Variants in UTP20 observed in about 807,000 individuals in gnomAD.
The protein encoded by UTP20 is small subunit processome component 20 homolog.
A neutral mutation model predicts 329.5 loss-of-function variants in UTP20; 164 were observed. The ratio of observed to expected loss-of-function variants is 0.50; its 90% CI spans 0.44 to 0.57. UTP20 has a LOEUF of 0.57. UTP20 is among the 20% of genes least tolerant of loss of function. The probability of loss-of-function intolerance (pLI) is 0.00; values close to 1 mark genes in which losing one functional copy is unlikely to be tolerated. For synonymous variants in UTP20, 1,151 were observed against 1,159.3 expected (o/e 0.99, Z 0.14); for missense variants, 3,055 against 3,284.2 (o/e 0.93, Z 1.71).
In UTP20 at chr12:101,379,510, C is replaced by T. The variant is rs751418364; in HGVS notation, c.7536C>T (p.Leu2512=). 1 of 1,613,954 alleles carries T rather than the reference C, an allele frequency of 6.2e-7. No individual in the cohort carries two copies. Among genetic ancestry groups the T allele is most frequent in the South Asian group, 1.1e-5 (1 of 91,062 alleles). Residue 2512 remains leucine, a synonymous_variant, in exon 57 of 62, where the codon CTC becomes CTT. Transcript: ENST00000261637. ...KWNTKKTKKH[L]PEPVAIKFLA... ...ATACCAAAAAGACCAAAAAACACCTCCCAGAACCTGTAGCAATCAAGTTCC... is the reference window on the plus strand; with the variant it reads ...ATACCAAAAAGACCAAAAAACACCTTCCAGAACCTGTAGCAATCAAGTTCC...
chr12:101,369,991 A>G, intron 49 of UTP20, 100 bp downstream of exon 49: 1 of 1,205,684 alleles, frequency 8.3e-7, no homozygotes, highest in Non-Finnish European at 1.2e-6. Flanking sequence ...AGGTGGGAGG[A>G]TTACTTGAGC....
intron 24 of UTP20, 80 bp downstream of exon 24, chr12:101,321,017 A>T (rs1593431937): frequency 3.8e-6 from 5 of 1,304,320 alleles, no homozygotes; most frequent in Middle Eastern, 1.9e-4. Flanking sequence ...TTCTAGAATA[A>T]TTTATTAAAG....
chr12:101,333,495 T>C, intron 28 of UTP20, 51 bp downstream of exon 28: 1 of 1,591,896 alleles, frequency 6.3e-7, no homozygotes, highest in Non-Finnish European at 8.5e-7. Flanking sequence ...TTTTCCTTTA[T>C]TACTAACTCA....
At chr12:101,333,543 G>T in intron 28 of UTP20, 99 bp downstream of exon 28, 1 of 1,436,928 alleles carries the variant, frequency 7.0e-7, no homozygotes. Flanking sequence ...TGCTTACCTG[G>T]GTCTTTCCTT....
At chr12:101,303,233 A>G (rs553437654) in intron 15 of UTP20, among the ~76,000 whole-genome samples, 4 of 152,338 alleles carry the variant, frequency 2.6e-5, no homozygotes, top group South Asian at 4.1e-4. Context: ...ACTGTGAAAC[A>G]TAGTGAATAA....
At chr12:101,340,652 A>C in intron 32 of UTP20, 42 bp downstream of exon 32, 1 of 1,280,064 alleles carries the variant, frequency 7.8e-7, no homozygotes, top group Non-Finnish European at 1.1e-6. Flanking sequence ...CTAGAGTGGC[A>C]CTTTATCACT....
chr12:101,352,119 C>G lies in UTP20; in HGVS notation c.4949C>G (p.Ser1650Ter). 1 of 1,613,984 alleles carries G rather than the reference C, an allele frequency of 6.2e-7. No homozygotes were observed. Among genetic ancestry groups the G allele is most frequent in the Non-Finnish European group, 8.5e-7 (1 of 1,179,970 alleles). Residue 1650 changes from serine to a stop codon, truncating the protein, a stop_gained, in exon 39 of 62, where the codon TCA becomes TGA. Transcript: ENST00000261637. LOFTEE classifies it high-confidence loss of function. ...IGAICKHLSW[S>*]AYMYYLKHFI... Reference sequence around the variant, plus strand: ...GCCATTTGCAAACATCTCTCTTGGTCAGCGTATATGTATTACTTGAAACAT... The same window carrying G: ...GCCATTTGCAAACATCTCTCTTGGTGAGCGTATATGTATTACTTGAAACAT...
In UTP20 at chr12:101,383,557, T is replaced by G. The variant is rs765683951; in HGVS notation, c.7944T>G (p.Phe2648Leu). Residue 2648 changes from phenylalanine to leucine, a missense_variant, in exon 60 of 62, where the codon TTT becomes TTG. This residue lies in a region of UTP20 where 337 missense variants were observed against 345.5 expected (regional missense o/e 0.98). Coordinates refer to ENST00000261637, the MANE Select transcript of UTP20 (RefSeq NM_014503.3). The stretch of plus-strand genomic sequence containing the variant: ...TGTACTTTCAGAGAACATGCATCTT[T>G]AAGTTCCTCGGCGCCGTAGCAATGG... Reference protein sequence around the residue: ...PRNPLKRTCIFKFLGAVAMDL... With the variant: ...PRNPLKRTCILKFLGAVAMDL... 5 of 1,613,234 alleles carry G rather than the reference T, an allele frequency of 3.1e-6. No individual in the cohort carries two copies. The Admixed American group carries it at 8.4e-5, about 27-fold the overall frequency.
chr12:101,352,195 G>T lies in UTP20; in HGVS notation c.5024+1G>T. 10 of 1,604,366 alleles carry T rather than the reference G, an allele frequency of 6.2e-6. No individual in the cohort carries two copies. The highest frequency in any genetic ancestry group is 2.2e-5 in the East Asian group (1 of 44,790). ...AGATCAATCAAAAACTGGGTGTCAGGTGTGGTCAAACTTCTTATTTTTGTT... is the reference window on the plus strand; with the variant it reads ...AGATCAATCAAAAACTGGGTGTCAGTTGTGGTCAAACTTCTTATTTTTGTT... On this transcript the variant is annotated splice_donor_variant, in intron 39 of 61. Transcript: ENST00000261637. LOFTEE classifies it high-confidence loss of function.
At chr12:101,287,490 G>A (rs927684130) in intron 5 of UTP20, among the ~76,000 whole-genome samples, 3 of 152,222 alleles carry the variant, frequency 2.0e-5, no homozygotes, top group East Asian at 1.9e-4. Context: ...GACAACTTCA[G>A]TAGCCTGGCT....
intron 8 of UTP20, 32 bp downstream of exon 8, chr12:101,290,920 ATAAGGAGTCTAAGAATT>A (rs1565785192): frequency 6.3e-7 from 1 of 1,593,956 alleles, no homozygotes; most frequent in South Asian, 1.2e-5. Context: ...TGGGTTTTTG[ATAAGGAGTCTAAGAATT>A]TACTGTTTCT....
chr12:101,296,651 G>A (rs192690538), intron 12 of UTP20, among the ~76,000 whole-genome samples: 1 of 152,092 alleles, frequency 6.6e-6, no homozygotes, highest in Admixed American at 6.5e-5. Context: ...AGGAGGCTGA[G>A]GCAGGAGAAT....
intron 38 of UTP20, among the ~76,000 whole-genome samples, chr12:101,347,880 G>A (rs1013857987): frequency 6.6e-6 from 1 of 152,178 alleles, no homozygotes; most frequent in Non-Finnish European, 1.5e-5. Flanking sequence ...CTAGGCTGGA[G>A]TGCAGTAGCG....
At chr12:101,302,960 A>G (rs1246771953) in intron 15 of UTP20, among the ~76,000 whole-genome samples, 5 of 152,166 alleles carry the variant, frequency 3.3e-5, no homozygotes, top group African/African-American at 1.2e-4. Flanking sequence ...TTTACTACAC[A>G]CTGAAACAAT....
intron 25 of UTP20, among the ~76,000 whole-genome samples, chr12:101,323,064 A>G (rs1301550768): frequency 6.6e-6 from 1 of 152,134 alleles, no homozygotes; most frequent in African/African-American, 2.4e-5. Context: ...TAAATAATAC[A>G]CCCATACAAG....
At chr12:101,384,877 T>C (rs906495810) in intron 60 of UTP20, among the ~76,000 whole-genome samples, 18 of 152,134 alleles carry the variant, frequency 1.2e-4, no homozygotes, top group African/African-American at 4.3e-4. Flanking sequence ...TGTGCTTTGG[T>C]TCAACCCAGT....
intron 48 of UTP20, 45 bp from the exon 49 acceptor site, chr12:101,369,676 T>C (rs1870216079): frequency 2.1e-6 from 2 of 965,538 alleles, no homozygotes. Flanking sequence ...ATAGTTGGAT[T>C]CGGTCACATC....
At chr12:101,297,411 C>T (rs1004187002) in intron 12 of UTP20, among the ~76,000 whole-genome samples, 3 of 151,932 alleles carry the variant, frequency 2.0e-5, no homozygotes, top group Non-Finnish European at 2.9e-5. Context: ...GACGAGGTCT[C>T]GCTATGTTGC....
intron 33 of UTP20, 71 bp downstream of exon 33, chr12:101,342,660 A>T: frequency 6.5e-7 from 1 of 1,545,636 alleles, no homozygotes; most frequent in African/African-American, 1.4e-5. Flanking sequence ...AAACCATATT[A>T]GGGGCTTTCT....
Sources: allele counts gnomAD v4.1 joint callset (sites outside exome capture counted in the v4.1 genomes callset), GRCh38; gene constraint gnomAD v4.1.1; regional missense constraint gnomAD v4.1.1; transcripts MANE v1.5; gene names NCBI Gene and HGNC (gene_info 2026-07-23, HGNC 2026-07-21).